Variants in NFIB observed in about 807,000 individuals in gnomAD.
NFIB encodes nuclear factor 1 B-type.
A neutral mutation model predicts 61.5 loss-of-function variants in NFIB; 11 were observed. The ratio of observed to expected loss-of-function variants is 0.18; its 90% CI spans 0.11 to 0.30. The LOEUF is 0.30. Ranked by LOEUF, NFIB falls within the 10% of genes least tolerant of loss-of-function variation. NFIB has a pLI of 1.00. For missense variants in NFIB, 471 were observed against 608.9 expected (o/e 0.77, Z 2.38); for synonymous variants, 260 against 216.5 (o/e 1.20, Z -1.76).
At chr9:14,252,277 T>C (rs1012656908) in intron 2 of NFIB, among the ~76,000 whole-genome samples, 1 of 152,204 alleles carries the variant, frequency 6.6e-6, no homozygotes, top group East Asian at 1.9e-4. Flanking sequence ...CTTAAAAACC[T>C]TGAAATATTT....
chr9:14,412,985 C>A, the NFIB span, among the ~76,000 whole-genome samples: 1 of 152,128 alleles, frequency 6.6e-6, no homozygotes, highest in African/African-American at 2.4e-5. Flanking sequence ...TACAAACCAC[C>A]CCTCCTCCTT....
the NFIB span, among the ~76,000 whole-genome samples, chr9:14,406,484 A>C: frequency 1.3e-5 from 2 of 152,114 alleles, no homozygotes; most frequent in African/African-American, 4.8e-5. Context: ...ATAGAGCCTA[A>C]CTCAGTGAGT....
chr9:14,205,736 A>G (rs1267956806), intron 2 of NFIB, among the ~76,000 whole-genome samples: 1 of 152,234 alleles, frequency 6.6e-6, no homozygotes, highest in East Asian at 1.9e-4. Context: ...TGCTGACACA[A>G]ACTGGTGGTA....
At chr9:14,297,896 A>G (rs924521970) in intron 2 of NFIB, among the ~76,000 whole-genome samples, 19 of 152,246 alleles carry the variant, frequency 1.2e-4, no homozygotes, top group African/African-American at 4.3e-4. Flanking sequence ...GTATTTTAAA[A>G]ATAAAATTAT....
At chr9:14,361,029 C>A (rs1361316234) in intron 1 of NFIB, among the ~76,000 whole-genome samples, 2 of 152,074 alleles carry the variant, frequency 1.3e-5, no homozygotes, top group Non-Finnish European at 2.9e-5. Context: ...TTACATTCAG[C>A]ATTTCTATCT....
At chr9:14,462,112 T>C in the NFIB span, among the ~76,000 whole-genome samples, 1 of 152,180 alleles carries the variant, frequency 6.6e-6, no homozygotes, top group African/African-American at 2.4e-5. Context: ...TCCCTAGTTA[T>C]CTTAATATAG....
chr9:14,213,321 G>A (rs958859120), intron 2 of NFIB, among the ~76,000 whole-genome samples: 2 of 152,068 alleles, frequency 1.3e-5, no homozygotes, highest in Non-Finnish European at 2.9e-5. Flanking sequence ...AAGTTAACGC[G>A]GGCCCCCAGG....
In NFIB at chr9:14,084,873, A is replaced by T. The variant is rs1460807743; in HGVS notation, c.*3436T>A. 3 of 229,354 alleles carry T rather than the reference A, an allele frequency of 1.3e-5. No homozygotes were observed. Among genetic ancestry groups the T allele is most frequent in the African/African-American group, 4.4e-5 (2 of 45,082 alleles). 14.2% of individuals were successfully genotyped at this position (229,354 alleles called of 1,614,324 possible). A position where few individuals can be genotyped will look rare whatever the true frequency, so the allele number is the denominator to read the frequency against. On this transcript the variant is annotated 3_prime_UTR_variant, in exon 11 of 11. Transcript: ENST00000380953. ...AAAGAAGAAAAAATTGATTTGAAAT[A>T]AAAAAAGCAACACTTGAACTAGGCC...
chr9:14,455,970 G>T, the NFIB span, among the ~76,000 whole-genome samples: 1 of 152,160 alleles, frequency 6.6e-6, no homozygotes, highest in African/African-American at 2.4e-5. Flanking sequence ...GTGTCAAGAG[G>T]TATCATTAAT....
chr9:14,393,607 A>G (rs2061650108), intron 1 of NFIB, among the ~76,000 whole-genome samples: 1 of 152,184 alleles, frequency 6.6e-6, no homozygotes, highest in East Asian at 1.9e-4. Context: ...CCCAGTAAAC[A>G]TTTATTGAAG....
intron 2 of NFIB, among the ~76,000 whole-genome samples, chr9:14,265,309 T>C (rs2057104469): frequency 1.3e-5 from 2 of 152,124 alleles, no homozygotes; most frequent in Non-Finnish European, 2.9e-5. Context: ...CCAACCCCAA[T>C]GTAGGCAGAA....
the NFIB span, among the ~76,000 whole-genome samples, chr9:14,405,424 C>G: frequency 6.6e-6 from 1 of 152,202 alleles, no homozygotes; most frequent in African/African-American, 2.4e-5. Flanking sequence ...CTGGCATCAG[C>G]TAAGCAACGA....
At chr9:14,453,721 T>G in the NFIB span, among the ~76,000 whole-genome samples, 310 of 152,316 alleles carry the variant, frequency 2.0e-3, 2 homozygotes, top group African/African-American at 7.0e-3. Flanking sequence ...ATGGTGACAT[T>G]ATTCCCTTGC....
chr9:14,107,726 T>C (rs367660967), intron 10 of NFIB, among the ~76,000 whole-genome samples: 2 of 152,138 alleles, frequency 1.3e-5, no homozygotes, highest in East Asian at 3.9e-4. Context: ...ACCAGTTGCC[T>C]GTCATTGTTC....
chr9:14,310,785 G>A (rs2132730577), intron 1 of NFIB, among the ~76,000 whole-genome samples: 1 of 152,188 alleles, frequency 6.6e-6, no homozygotes, highest in Admixed American at 6.5e-5. Flanking sequence ...AATTGACAAA[G>A]TAAATAACAA....
intron 10 of NFIB, among the ~76,000 whole-genome samples, chr9:14,089,017 T>C (rs572234341): frequency 7.9e-5 from 12 of 152,250 alleles, no homozygotes; most frequent in African/African-American, 2.6e-4. Flanking sequence ...AGAATACCCA[T>C]CGTGAGGAAA....
At chr9:14,143,118 G>A (rs908923412) in intron 6 of NFIB, among the ~76,000 whole-genome samples, 4 of 152,028 alleles carry the variant, frequency 2.6e-5, no homozygotes, top group African/African-American at 9.7e-5. Flanking sequence ...AAATATTCAT[G>A]TCTATATTTG....
intron 2 of NFIB, among the ~76,000 whole-genome samples, chr9:14,284,453 G>T (rs574083774): frequency 6.6e-6 from 1 of 151,914 alleles, no homozygotes; most frequent in Non-Finnish European, 1.5e-5. Flanking sequence ...AAGGGGTGGC[G>T]GAATTTTTGT....
rs183213939 is a variant in NFIB at position 14,361,470 on chromosome 9, G to T, written c.108+37054C>A. The T allele has an allele frequency of 1.6e-4, 24 of 152,252 alleles. 1 individual carries two copies. The East Asian group carries it at 4.0e-3, about 26-fold the overall frequency. The allele number at this position is 152,252 out of a possible 1,614,324, so 9.4% of individuals were successfully genotyped here. A position where few individuals can be genotyped will look rare whatever the true frequency, so the allele number is the denominator to read the frequency against. On this transcript the variant is annotated intron_variant, in intron 1 of 8. Coordinates refer to the NFIB transcript ENST00000380934. ...AGCATTACTGATCAAAAAGAGAATT[G>T]TTCTGAATATTTTCATGAACAAGCA... is the stretch of plus-strand genomic sequence containing the variant.
Sources: allele counts gnomAD v4.1 joint callset (sites outside exome capture counted in the v4.1 genomes callset), GRCh38; gene constraint gnomAD v4.1.1; transcripts MANE v1.5; gene names NCBI Gene and HGNC (gene_info 2026-07-23, HGNC 2026-07-21).